The following PLXDC2 variants were observed in gnomAD, a reference collection of about 807,000 sequenced individuals.
The protein encoded by PLXDC2 is plexin domain containing 2, also known as plexin domain-containing protein 2.
In PLXDC2, 40 loss-of-function variants were observed where a neutral mutation model predicts 68.9. The ratio of observed to expected loss-of-function variants is 0.58; its 90% confidence interval spans 0.45 to 0.76. The LOEUF (loss-of-function observed/expected upper bound fraction) is 0.76, where lower values mean the gene tolerates loss of function less well. PLXDC2 is among the 30% of genes least tolerant of loss of function. The pLI is 0.00. For missense variants in PLXDC2, 644 were observed against 661.9 expected (o/e 0.97, Z 0.30); for synonymous variants, 243 against 234.2 (o/e 1.04, Z -0.34).
chr10:19,861,958 A>G (rs1028295871), intron 1 of PLXDC2, among the ~76,000 whole-genome samples: 5 of 152,160 alleles, frequency 3.3e-5, no homozygotes, highest in South Asian at 2.1e-4. Context: ...ATTGATTTCA[A>G]CCACCTAGGG....
At chr10:19,866,199 T>C (rs1266482486) in intron 1 of PLXDC2, among the ~76,000 whole-genome samples, 2 of 152,208 alleles carry the variant, frequency 1.3e-5, no homozygotes, top group Non-Finnish European at 2.9e-5. Context: ...TTTATTTGTT[T>C]AGTGGCTTAA....
chr10:19,988,874 C>CA (rs535521335), intron 1 of PLXDC2, among the ~76,000 whole-genome samples: 82 of 139,054 alleles, frequency 5.9e-4, no homozygotes, highest in African/African-American at 2.1e-3. Flanking sequence ...CTGCTCACTG[C>CA]AACCTCCGCC....
chr10:20,201,905 G>A (rs1303874778), intron 9 of PLXDC2, among the ~76,000 whole-genome samples: 1 of 152,028 alleles, frequency 6.6e-6, no homozygotes, highest in African/African-American at 2.4e-5. Flanking sequence ...AAATAAAGAC[G>A]AGGTTGAACG....
intron 13 of PLXDC2, among the ~76,000 whole-genome samples, chr10:20,258,460 T>G (rs1835770744): frequency 6.6e-6 from 1 of 152,212 alleles, no homozygotes; most frequent in African/African-American, 2.4e-5. Context: ...TTTATAGAAT[T>G]TTTAAGTATT....
intron 4 of PLXDC2, among the ~76,000 whole-genome samples, chr10:20,072,564 AG>A (rs144347908): frequency 0.092 from 13,734 of 148,996 alleles, 1,673 homozygotes; most frequent in African/African-American, 0.27. Context: ...AAGGAAAGAA[AG>A]GAAGAAATCT....
chr10:20,242,713 G>A (rs1835532980), intron 12 of PLXDC2, among the ~76,000 whole-genome samples: 1 of 152,016 alleles, frequency 6.6e-6, no homozygotes, highest in African/African-American at 2.4e-5. Flanking sequence ...GAGGTGCAAT[G>A]TTAATCCTTT....
chr10:19,921,064 A>G (rs1169540668), intron 1 of PLXDC2, among the ~76,000 whole-genome samples: 2 of 151,106 alleles, frequency 1.3e-5, no homozygotes, highest in Non-Finnish European at 2.9e-5. Flanking sequence ...AGCAGCTAGG[A>G]CTATAGGTGT....
chr10:19,976,025 C>A lies in PLXDC2; in HGVS notation c.113-25750C>A, dbSNP rs868765126. ...CTAAAAATAAAAATAAAAAAGAATA[C>A]GTTGGAGATAAGTATCTCAGCCTTT... On this transcript the variant is annotated intron_variant, in intron 1 of 13. Coordinates refer to ENST00000377252, the MANE Select transcript of PLXDC2 (RefSeq NM_032812.9). Among the ~76,000 whole-genome samples, 4 of 152,120 alleles carry A rather than the reference C, an allele frequency of 2.6e-5. No individual in the cohort carries two copies. In the East Asian group the frequency reaches 7.7e-4, roughly 29 times the overall value.
chr10:19,903,786 TG>T (rs1305983149), intron 1 of PLXDC2, among the ~76,000 whole-genome samples: 3 of 152,086 alleles, frequency 2.0e-5, no homozygotes, highest in African/African-American at 7.2e-5. Flanking sequence ...ATTGTCTATT[TG>T]TGCTCTTTCA....
chr10:20,258,735 C>T (rs985971172), intron 13 of PLXDC2, among the ~76,000 whole-genome samples: 10 of 151,900 alleles, frequency 6.6e-5, no homozygotes, highest in Admixed American at 1.3e-4. Context: ...TGGCCGGGTG[C>T]GGTGGCTCAC....
At chr10:19,850,625 G>A (rs999281556) in intron 1 of PLXDC2, among the ~76,000 whole-genome samples, 6 of 152,134 alleles carry the variant, frequency 3.9e-5, no homozygotes, top group African/African-American at 1.4e-4. Flanking sequence ...AGACTCTAAA[G>A]CAAACAACCT....
At chr10:20,056,103 A>G (rs1356236677) in intron 3 of PLXDC2, among the ~76,000 whole-genome samples, 1 of 152,178 alleles carries the variant, frequency 6.6e-6, no homozygotes, top group Non-Finnish European at 1.5e-5. Flanking sequence ...ATCCTGTACT[A>G]TGTAGTTTTG....
intron 1 of PLXDC2, among the ~76,000 whole-genome samples, chr10:19,874,477 G>A (rs752319): frequency 0.17 from 26,410 of 151,988 alleles, 2,517 homozygotes; most frequent in South Asian, 0.22. Context: ...AATCTTGTTC[G>A]TTGTAAAAGA....
rs1187364613 is a variant in PLXDC2 at position 19,948,861 on chromosome 10, T to C, written c.113-52914T>C. On this transcript the variant is annotated intron_variant, in intron 1 of 13. Transcript: ENST00000377252. ...ATAAGTGCATTAGAATAGACATACA[T>C]TGGCCGGGCGCGGTGGCTCACGTCT... Among the ~76,000 whole-genome samples, 5 of 152,136 alleles carry C rather than the reference T, an allele frequency of 3.3e-5. No homozygotes were observed. The East Asian group carries it at 9.7e-4, about 29-fold the overall frequency.
At chr10:20,210,415 A>G (rs146320624) in intron 9 of PLXDC2, among the ~76,000 whole-genome samples, 6 of 152,284 alleles carry the variant, frequency 3.9e-5, no homozygotes, top group African/African-American at 1.4e-4. Flanking sequence ...TATGGTAGCA[A>G]TGCTTTATCA....
chr10:19,845,424 T>C (rs535626035), intron 1 of PLXDC2, among the ~76,000 whole-genome samples: 1 of 152,110 alleles, frequency 6.6e-6, no homozygotes. Flanking sequence ...CTTTGAAAAC[T>C]CTTCTTCTGA....
intron 1 of PLXDC2, among the ~76,000 whole-genome samples, chr10:19,834,752 T>C (rs1836759683): frequency 6.6e-6 from 1 of 152,256 alleles, no homozygotes; most frequent in Non-Finnish European, 1.5e-5. Flanking sequence ...TTATTCACTA[T>C]ACAAACATTT....
At chr10:19,922,488 A>G (rs769561856) in intron 1 of PLXDC2, among the ~76,000 whole-genome samples, 4 of 152,150 alleles carry the variant, frequency 2.6e-5, no homozygotes, top group Non-Finnish European at 4.4e-5. Flanking sequence ...GCTTCCTTCT[A>G]TGAGTCATGA....
chr10:19,912,392 G>A (rs576618191), intron 1 of PLXDC2, among the ~76,000 whole-genome samples: 219 of 152,214 alleles, frequency 1.4e-3, no homozygotes, highest in African/African-American at 5.0e-3. Context: ...AACAAAATGA[G>A]CTAGAACTTA....
Sources: gnomAD v4.1 joint callset for allele counts (sites outside exome capture counted in the v4.1 genomes callset) on GRCh38, gnomAD v4.1.1 for gene constraint, MANE v1.5 for transcripts, NCBI Gene and HGNC (gene_info 2026-07-23, HGNC 2026-07-21) for gene names.